The following BRWD1 variants were observed in gnomAD, a reference collection of about 807,000 sequenced individuals.
The protein encoded by BRWD1 is bromodomain and WD repeat domain containing 1.
BRWD1 carries 82 observed loss-of-function variants against 251.2 expected under a neutral mutation model. That is an observed-to-expected ratio of 0.33 (90% CI 0.27 to 0.39). BRWD1 has a LOEUF of 0.39. Among genes scored for constraint, BRWD1 ranks in the 10% least tolerant of loss-of-function variants. BRWD1 has a pLI of 1.00. For synonymous variants in BRWD1, 918 were observed against 902.8 expected (o/e 1.02, Z -0.30); for missense variants, 2,233 against 2,711.6 (o/e 0.82, Z 3.92).
chr21:39,251,024 A>T, intron 19 of BRWD1, 135 bp from the exon 20 acceptor site: 1 of 585,722 alleles, frequency 1.7e-6, no homozygotes, highest in Non-Finnish European at 2.9e-6. Flanking sequence ...TCTGAAGTTA[A>T]AACATGTTAA....
Position 39,312,866 on chromosome 21 carries a change from T to G in BRWD1, c.173A>C (p.Glu58Ala). ...LPKRLDWEGNEHNRSYEELVL... is the reference protein window; with the variant it reads ...LPKRLDWEGNAHNRSYEELVL... ...CAACTCCTCGTAGCTCCTGTTGTGC[T>G]CGTTGCCCTCCCAGTCCAATCTCTT... Residue 58 changes from glutamate to alanine, a missense_variant, in exon 4 of 41, where the codon GAG becomes GCG. Transcript: ENST00000342449. The G allele has an allele frequency of 6.5e-7, 1 of 1,543,658 alleles. No individual in the cohort carries two copies. The highest frequency in any genetic ancestry group is 8.7e-7 in the Non-Finnish European group (1 of 1,146,026).
chr21:39,314,152 G>T (rs9981301), upstream of BRWD1: 6 of 455,576 alleles, frequency 1.3e-5, no homozygotes, highest in African/African-American at 2.0e-5. Context: ...TTCGAGGACA[G>T]GAAAGCTTTT....
chr21:39,317,996 G>A (rs1601531589), upstream of BRWD1, among the ~76,000 whole-genome samples: 2 of 152,140 alleles, frequency 1.3e-5, no homozygotes, highest in South Asian at 4.1e-4. Context: ...GCTGTCACAA[G>A]CTATGGTGGT....
chr21:39,264,954 G>A lies in BRWD1; in HGVS notation c.1596C>T (p.Ala532=). Residue 532 remains alanine, a synonymous_variant, in exon 16 of 41, where the codon GCC becomes GCT. Transcript: ENST00000342449. ...CKFSQDGQHF[A]CTDSHGHLLI... is the part of the protein sequence containing the mutation. ...GAAGGTGCCCATGAGAATCTGTACA[G>A]GCAAAATGCTGTCCATCCTGTGAAA... 1 of 1,613,864 alleles carries A rather than the reference G, an allele frequency of 6.2e-7. No homozygotes were observed. Among genetic ancestry groups the A allele is most frequent in the East Asian group, 2.2e-5 (1 of 44,862 alleles).
At chr21:39,260,514 A>G (rs1230710274) in intron 17 of BRWD1, among the ~76,000 whole-genome samples, 5 of 152,232 alleles carry the variant, frequency 3.3e-5, no homozygotes, top group African/African-American at 1.2e-4. Flanking sequence ...TCTCTATGGA[A>G]TAATACAATC....
intron 38 of BRWD1, 44 bp downstream of exon 38, chr21:39,202,281 T>G (rs2032147857): frequency 8.2e-6 from 12 of 1,465,130 alleles, no homozygotes; most frequent in Non-Finnish European, 1.1e-5. Context: ...GTGTTACACA[T>G]TTGGGTGCTC....
At chr21:39,222,388 A>G (rs991338572) in intron 29 of BRWD1, among the ~76,000 whole-genome samples, 3 of 152,202 alleles carry the variant, frequency 2.0e-5, no homozygotes, top group Admixed American at 2.0e-4. Flanking sequence ...CTCCAATCAA[A>G]CAGGCCATGG....
chr21:39,246,718 A>G (rs2146597775), intron 21 of BRWD1, among the ~76,000 whole-genome samples: 1 of 152,360 alleles, frequency 6.6e-6, no homozygotes, highest in Non-Finnish European at 1.5e-5. Context: ...TGCTACACAA[A>G]TGCTCAACAT....
Position 39,296,839 on chromosome 21 carries a change from A to T in BRWD1, c.350-476T>A, listed in dbSNP as rs1333880511. ...TATATCATACAATACTAAAGATGAA[A>T]GGTCTTACAACTGATCCAACTTTTC... On this transcript the variant is annotated intron_variant, in intron 5 of 40. Coordinates refer to ENST00000342449, the MANE Select transcript of BRWD1 (RefSeq NM_033656.4). 3.1e-6 allele frequency: 3 copies of T among 975,778 alleles called. No homozygotes were observed. In the East Asian group the frequency reaches 3.4e-4, roughly 111 times the overall value. 60.4% of individuals were successfully genotyped at this position (975,778 alleles called of 1,614,324 possible).
chr21:39,264,323 C>T lies in BRWD1; in HGVS notation c.1885+137G>A, dbSNP rs976256143. 1.0e-5 allele frequency: 6 copies of T among 590,868 alleles called. No individual in the cohort carries two copies. In the African/African-American group the frequency reaches 1.0e-4, roughly 10 times the overall value. The allele number at this position is 590,868 out of a possible 1,614,324, so 36.6% of individuals were successfully genotyped here. Reference sequence around the variant, plus strand: ...AGAAGTTAAATGGTTCAAAACAATACACAGAAAAAAAATAATAAAACAAAT... The same window carrying T: ...AGAAGTTAAATGGTTCAAAACAATATACAGAAAAAAAATAATAAAACAAAT... On this transcript the variant is annotated intron_variant, in intron 17 of 40. Transcript: ENST00000342449.
chr21:39,246,176 T>C (rs2034182322), intron 21 of BRWD1, among the ~76,000 whole-genome samples: 1 of 152,136 alleles, frequency 6.6e-6, no homozygotes, highest in South Asian at 2.1e-4. Flanking sequence ...TAAAGGACTG[T>C]ATCCAGAACA....
intron 4 of BRWD1, among the ~76,000 whole-genome samples, chr21:39,308,409 G>A (rs1369743992): frequency 1.3e-5 from 2 of 150,224 alleles, no homozygotes; most frequent in African/African-American, 2.5e-5. Context: ...ATGAACCTGT[G>A]AGGCAGAGGT....
chr21:39,232,739 T>A (rs1378184881), intron 23 of BRWD1, among the ~76,000 whole-genome samples: 2 of 152,202 alleles, frequency 1.3e-5, no homozygotes, highest in Non-Finnish European at 2.9e-5. Context: ...TGATAGATTC[T>A]TCATGCTATT....
downstream of BRWD1, chr21:39,185,161 G>A (rs566734409): frequency 8.6e-5 from 13 of 151,766 alleles, no homozygotes; most frequent in African/African-American, 2.7e-4. Context: ...AAATATGTTC[G>A]AATTAAATAC....
upstream of BRWD1, chr21:39,314,450 G>A (rs2036651170): frequency 5.0e-6 from 2 of 400,484 alleles, no homozygotes; most frequent in Non-Finnish European, 1.0e-5. Context: ...GGAGAGGGTG[G>A]TGCAGACGGG....
intron 8 of BRWD1, among the ~76,000 whole-genome samples, chr21:39,288,488 T>C (rs2035708802): frequency 6.6e-6 from 1 of 152,180 alleles, no homozygotes. Flanking sequence ...TAAATGTCTA[T>C]TGTGATTTTT....
intron 20 of BRWD1, 88 bp from the exon 21 acceptor site, chr21:39,247,920 G>A (rs2034253275): frequency 1.5e-6 from 2 of 1,369,426 alleles, no homozygotes; most frequent in East Asian, 2.7e-5. Flanking sequence ...GTTTCCAGAA[G>A]GATTTAAAGC....
chr21:39,236,495 C>T (rs578199980), intron 23 of BRWD1, 100 bp downstream of exon 23: 284 of 1,113,964 alleles, frequency 2.5e-4, no homozygotes, highest in Non-Finnish European at 3.3e-4. Context: ...CCCAAGGCAC[C>T]ACTATGCCAG....
At chr21:39,220,776 C>T (rs1041879285) in intron 29 of BRWD1, among the ~76,000 whole-genome samples, 28 of 152,218 alleles carry the variant, frequency 1.8e-4, no homozygotes, top group African/African-American at 5.8e-4. Flanking sequence ...ATGAAAACAA[C>T]AAGCAGTAAG....
Sources: allele counts gnomAD v4.1 joint callset (sites outside exome capture counted in the v4.1 genomes callset), GRCh38; gene constraint gnomAD v4.1.1; transcripts MANE v1.5; gene names NCBI Gene and HGNC (gene_info 2026-07-23, HGNC 2026-07-21).